Variants in PHF20 observed in about 807,000 individuals in gnomAD.
PHF20 encodes the protein glioma-expressed antigen 2.
A neutral mutation model predicts 113.5 loss-of-function variants in PHF20; 23 were observed. The observed-to-expected ratio is 0.20, with a 90% CI of 0.15 to 0.29. The LOEUF is 0.29. Ranked by LOEUF, PHF20 falls within the 10% of genes least tolerant of loss-of-function variation. The pLI is 1.00. For synonymous variants in PHF20, 434 were observed against 457.3 expected, an observed-to-expected ratio of 0.95 and a Z score of 0.65; for missense variants, 943 against 1,219.6, an observed-to-expected ratio of 0.77 and a Z score of 3.38.
intron 3 of PHF20, among the ~76,000 whole-genome samples, chr20:35,844,084 G>A (rs1009729926): frequency 9.2e-5 from 14 of 151,990 alleles, no homozygotes; most frequent in African/African-American, 3.4e-4. Flanking sequence ...GCGGGCTCAA[G>A]CAAGTAGCTC....
chr20:35,851,331 G>A (rs1214161374), intron 4 of PHF20, among the ~76,000 whole-genome samples: 1 of 152,122 alleles, frequency 6.6e-6, no homozygotes, highest in Non-Finnish European at 1.5e-5. Context: ...CTGGGGCAGT[G>A]ACTGAAGTCT....
chr20:35,934,206 C>T (rs1038139248), intron 15 of PHF20, among the ~76,000 whole-genome samples: 2 of 152,184 alleles, frequency 1.3e-5, no homozygotes, highest in African/African-American at 2.4e-5. Context: ...AGATGGGAAT[C>T]TGCTTCCTCT....
At chr20:35,897,666 A>G (rs1006067602) in intron 9 of PHF20, among the ~76,000 whole-genome samples, 1 of 147,418 alleles carries the variant, frequency 6.8e-6, no homozygotes, top group Admixed American at 6.9e-5. Context: ...TCCTGGGTTC[A>G]AGCCATTCTC....
rs983296518 is a variant in PHF20 at position 35,823,654 on chromosome 20, A to G, written c.84-18919A>G. On this transcript the variant is annotated intron_variant, in intron 2 of 17. Coordinates refer to ENST00000374012, the MANE Select transcript of PHF20 (RefSeq NM_016436.5). ...TCTCAAAAAAAAAAAAAAAAAAAAA[A>G]GGGGTGAAGAAAGAAAAAAAAAGAT... 6.0e-4 allele frequency among the ~76,000 whole-genome samples: 87 copies of G among 145,672 alleles called. No individual in the cohort carries two copies. In the East Asian group the frequency reaches 8.8e-3, roughly 15 times the overall value.
chr20:35,819,742 C>G (rs1487400275), intron 2 of PHF20, among the ~76,000 whole-genome samples: 1 of 151,876 alleles, frequency 6.6e-6, no homozygotes, highest in Non-Finnish European at 1.5e-5. Context: ...AGGTGGTACA[C>G]TAGGTGCTAT....
At chr20:35,805,258 G>T (rs2041859930) in intron 2 of PHF20, among the ~76,000 whole-genome samples, 1 of 151,802 alleles carries the variant, frequency 6.6e-6, no homozygotes, top group South Asian at 2.1e-4. Context: ...GAGTGCAGTG[G>T]TGGGAACAGA....
intron 15 of PHF20, among the ~76,000 whole-genome samples, chr20:35,935,749 A>G (rs1030173849): frequency 1.3e-5 from 2 of 152,232 alleles, no homozygotes; most frequent in African/African-American, 4.8e-5. Flanking sequence ...TCTGTCTTCT[A>G]GCAATTCAGA....
chr20:35,914,262 G>C, intron 12 of PHF20, 65 bp downstream of exon 12: 1 of 1,510,738 alleles, frequency 6.6e-7, no homozygotes, highest in Non-Finnish European at 9.1e-7. Flanking sequence ...GCATACCTGG[G>C]AGATATTATG....
At chr20:35,911,753 G>A (rs895416003) in intron 10 of PHF20, among the ~76,000 whole-genome samples, 16 of 150,146 alleles carry the variant, frequency 1.1e-4, no homozygotes, top group Admixed American at 6.6e-4. Context: ...CCGCCTCCCC[G>A]ATTCGAGCAA....
At chr20:35,803,583 C>T (rs1482253036) in intron 2 of PHF20, among the ~76,000 whole-genome samples, 1 of 151,440 alleles carries the variant, frequency 6.6e-6, no homozygotes, top group Non-Finnish European at 1.5e-5. Flanking sequence ...CCTCGGCCTC[C>T]CAAAGTGCTG....
At chr20:35,917,752 C>G (rs2055434466) in intron 13 of PHF20, 90 bp downstream of exon 13, 1 of 1,109,904 alleles carries the variant, frequency 9.0e-7, no homozygotes, top group East Asian at 2.4e-5. Flanking sequence ...CAAGTCATAG[C>G]AGAGCCCCAG....
Position 35,913,252 on chromosome 20 carries a change from C to G in PHF20, c.1565C>G (p.Thr522Arg), listed in dbSNP as rs764141350. The G allele has an allele frequency of 6.9e-6, 11 of 1,596,556 alleles. No individual in the cohort carries two copies. Among genetic ancestry groups the G allele is most frequent in the Non-Finnish European group, 9.4e-6 (11 of 1,167,554 alleles). ...RKRVSASSPT[T>R]KDKEKNKEKK... is the part of the protein sequence containing the mutation. ...CAACATTTGTGTTTAATTCTAGCTA[C>G]AAAAGACAAGGAAAAGAATAAAGAG... The change falls in exon 11 of 18, where the codon ACA becomes AGA. Residue 522 changes from threonine to arginine, a missense_variant. By Grantham distance (71) the Thr-to-Arg change is moderately conservative (BLOSUM62 -1). Transcript: ENST00000374012.
chr20:35,871,951 T>C (rs2054430985), intron 9 of PHF20, 122 bp downstream of exon 9: 2 of 649,724 alleles, frequency 3.1e-6, no homozygotes, highest in African/African-American at 1.8e-5. Context: ...TATTCCCTTA[T>C]CATTTTAATG....
intron 4 of PHF20, among the ~76,000 whole-genome samples, chr20:35,848,703 A>G (rs1223564390): frequency 6.6e-6 from 1 of 151,960 alleles, no homozygotes; most frequent in African/African-American, 2.4e-5. Flanking sequence ...ACTATGAAAA[A>G]AAAATTAGAT....
In PHF20 at chr20:35,789,218, C is replaced by G. The variant is rs540556613; in HGVS notation, c.-32-12273C>G. 2.0e-5 allele frequency among the ~76,000 whole-genome samples: 3 copies of G among 151,986 alleles called. No individual in the cohort carries two copies. In the East Asian group the frequency reaches 5.8e-4, roughly 29 times the overall value. On this transcript the variant is annotated intron_variant, in intron 1 of 17. Transcript: ENST00000374012. ...GGGGCAGATCACCTGGTCAGGAGTT[C>G]GAGACCACCCTGGCCAACATGGTGA...
chr20:35,896,761 A>T (rs1279604358), intron 9 of PHF20, among the ~76,000 whole-genome samples: 3 of 145,898 alleles, frequency 2.1e-5, no homozygotes, highest in Admixed American at 1.4e-4. Flanking sequence ...AGATCTCACC[A>T]TTGCACTCCA....
intron 10 of PHF20, among the ~76,000 whole-genome samples, chr20:35,910,962 T>C (rs1490197487): frequency 6.6e-6 from 1 of 152,042 alleles, no homozygotes; most frequent in Non-Finnish European, 1.5e-5. Flanking sequence ...AATGGAATCC[T>C]GCAGTGCGCA....
chr20:35,775,668 T>C (rs1035300245), intron 1 of PHF20, among the ~76,000 whole-genome samples: 46 of 146,794 alleles, frequency 3.1e-4, no homozygotes, highest in African/African-American at 6.3e-4. Flanking sequence ...GCAGAATACT[T>C]GCTTGAACCC....
intron 9 of PHF20, among the ~76,000 whole-genome samples, chr20:35,893,803 A>G (rs938903387): frequency 1.3e-5 from 2 of 151,806 alleles, no homozygotes; most frequent in South Asian, 4.2e-4. Flanking sequence ...TTTAGTAGAG[A>G]TGGGGTTTCA....
Sources: allele counts gnomAD v4.1 joint callset (sites outside exome capture counted in the v4.1 genomes callset), GRCh38; gene constraint gnomAD v4.1.1; transcripts MANE v1.5; gene names NCBI Gene and HGNC (gene_info 2026-07-23, HGNC 2026-07-21).